Variants in LRRIQ1 observed in about 807,000 individuals in gnomAD.
LRRIQ1 encodes the protein leucine-rich repeat- and IQ domain-containing protein 1.
Under a neutral mutation model 211.9 loss-of-function variants are expected in LRRIQ1, and 210 were observed. The ratio of observed to expected loss-of-function variants is 0.99; its 90% CI spans 0.89 to 1.11. The LOEUF (loss-of-function observed/expected upper bound fraction) is 1.11. Ranked by LOEUF, LRRIQ1 falls within the 50% of genes most tolerant of loss-of-function variation. The pLI is 0.00. For synonymous variants in LRRIQ1, 699 were observed against 650.1 expected (o/e 1.08, Z -1.14); for missense variants, 2,136 against 1,939.5 (o/e 1.10, Z -1.90).
intron 13 of LRRIQ1, among the ~76,000 whole-genome samples, chr12:85,101,821 C>T (rs1886367620): frequency 6.6e-6 from 1 of 151,624 alleles, no homozygotes; most frequent in African/African-American, 2.4e-5. Flanking sequence ...TATATTTCTT[C>T]ACTTTGATTG....
chr12:85,131,262 A>G (rs1448256902), intron 18 of LRRIQ1, among the ~76,000 whole-genome samples: 2 of 151,682 alleles, frequency 1.3e-5, no homozygotes, highest in East Asian at 1.9e-4. Context: ...TCACTTTCAG[A>G]TCTACCCCAT....
chr12:85,261,898 AC>A (rs1191689135), intron 1 of LRRIQ1, among the ~76,000 whole-genome samples: 1 of 151,518 alleles, frequency 6.6e-6, no homozygotes, highest in Non-Finnish European at 1.5e-5. Flanking sequence ...TCAAGCGATT[AC>A]CCTGCCTCAG....
intron 24 of LRRIQ1, among the ~76,000 whole-genome samples, chr12:85,208,185 T>A (rs1893658678): frequency 6.6e-6 from 1 of 151,944 alleles, no homozygotes; most frequent in Non-Finnish European, 1.5e-5. Flanking sequence ...GGTCTTGAAG[T>A]TAGGTAATAT....
chr12:85,173,002 G>A (rs553023777), intron 24 of LRRIQ1, among the ~76,000 whole-genome samples: 139 of 152,068 alleles, frequency 9.1e-4, no homozygotes, highest in Non-Finnish European at 1.8e-3. Flanking sequence ...CCAGCTACTC[G>A]GGAGGCTGAG....
At chr12:85,051,575 T>C (rs1254083526) in intron 6 of LRRIQ1, among the ~76,000 whole-genome samples, 1 of 152,244 alleles carries the variant, frequency 6.6e-6, no homozygotes, top group Non-Finnish European at 1.5e-5. Flanking sequence ...AAACCTTTCA[T>C]GATCTAATTA....
At chr12:85,118,093 C>T (rs1354748682) in intron 15 of LRRIQ1, among the ~76,000 whole-genome samples, 1 of 152,232 alleles carries the variant, frequency 6.6e-6, no homozygotes, top group Admixed American at 6.5e-5. Flanking sequence ...TATCTCCTAA[C>T]CCCTCTGATG....
At chr12:85,245,583 A>C (rs983872653), downstream of LRRIQ1, among the ~76,000 whole-genome samples, 130 of 150,394 alleles carry the variant, frequency 8.6e-4, 2 homozygotes, top group Non-Finnish European at 1.3e-4. Context: ...TTATATTGCA[A>C]TTATTAACTC....
chr12:85,173,139 A>G (rs1245937195), intron 24 of LRRIQ1, among the ~76,000 whole-genome samples: 1 of 152,034 alleles, frequency 6.6e-6, no homozygotes, highest in Non-Finnish European at 1.5e-5. Context: ...ATAAAATACT[A>G]TTTGTCTTAC....
chr12:85,239,503 T>C (rs979728272), intron 26 of LRRIQ1, among the ~76,000 whole-genome samples: 1 of 151,890 alleles, frequency 6.6e-6, no homozygotes, highest in Non-Finnish European at 1.5e-5. Flanking sequence ...ACTTGTAAGG[T>C]CAATTGATTT....
At chr12:85,069,476 A>T (rs1313193422) in intron 10 of LRRIQ1, among the ~76,000 whole-genome samples, 1 of 152,130 alleles carries the variant, frequency 6.6e-6, no homozygotes, top group Non-Finnish European at 1.5e-5. Flanking sequence ...TGGCTGGGTC[A>T]AACGGTATTT....
intron 26 of LRRIQ1, among the ~76,000 whole-genome samples, chr12:85,235,847 G>A (rs1438352807): frequency 2.0e-5 from 3 of 152,146 alleles, no homozygotes; most frequent in Non-Finnish European, 2.9e-5. Context: ...CTTAAAATGT[G>A]TATTGAGGAT....
At chr12:85,076,160 G>A (rs56107143) in intron 11 of LRRIQ1, among the ~76,000 whole-genome samples, 6 of 151,624 alleles carry the variant, frequency 4.0e-5, no homozygotes, top group Middle Eastern at 3.4e-3. Context: ...ATGTATAAGC[G>A]CTTTTTCAGC....
At chr12:85,068,595 TCTTA>T (rs1882701879) in intron 10 of LRRIQ1, among the ~76,000 whole-genome samples, 1 of 151,866 alleles carries the variant, frequency 6.6e-6, no homozygotes, top group Non-Finnish European at 1.5e-5. Flanking sequence ...TATGGCCGTC[TCTTA>T]CTTAACCCCA....
At position 85,152,319 on chromosome 12, in the gene LRRIQ1, C is replaced by T. The variant is rs372405266; in HGVS notation, c.4369C>T (p.Arg1457Cys). 9 of 1,611,256 alleles carry T rather than the reference C, an allele frequency of 5.6e-6. No individual in the cohort carries two copies. Among genetic ancestry groups the T allele is most frequent in the South Asian group, 4.4e-5 (4 of 90,960 alleles). The stretch of plus-strand genomic sequence containing the variant: ...AGAATGGCTAGCATTAGATTCCACC[C>T]GCTTCCCTTCACAAACACTGCTTCT... ...EEEWLALDST[R>C]FPSQTLLLSN... Residue 1457 changes from arginine (R) to cysteine (C), a missense_variant, in exon 20 of 27, where the codon CGC becomes TGC. Arg to Cys is a radical substitution (Grantham distance 180, BLOSUM62 -3). Transcript: ENST00000393217.
chr12:85,069,428 T>C (rs1319795100), intron 10 of LRRIQ1, among the ~76,000 whole-genome samples: 1 of 152,168 alleles, frequency 6.6e-6, no homozygotes, highest in East Asian at 1.9e-4. Context: ...TATAACAGCA[T>C]GATTTATAAT....
Position 85,197,753 on chromosome 12 carries a change from C to T in LRRIQ1, c.4823-31764C>T, listed in dbSNP as rs113329495. Reference sequence around the variant, plus strand: ...AGATGACGAGTTAGTGGGTGCAACGCACCAGCATGGCACATGTATACATAT... The same window carrying T: ...AGATGACGAGTTAGTGGGTGCAACGTACCAGCATGGCACATGTATACATAT... On this transcript the variant is annotated intron_variant, in intron 24 of 26. Transcript: ENST00000393217. Among the ~76,000 whole-genome samples, 52 of 150,066 alleles carry T rather than the reference C, an allele frequency of 3.5e-4. 1 individual carries two copies. Among genetic ancestry groups the T allele is most frequent in the African/African-American group, 1.2e-3 (49 of 40,700 alleles).
rs184099083 is a variant in LRRIQ1 at position 85,172,471 on chromosome 12, T to C, written c.4822+11757T>C. ...AGACACTCACTAGCTAAATACTCCA[T>C]GTCCTGTTTTTCTCAATTGCAAAAT... On this transcript the variant is annotated intron_variant, in intron 24 of 26. Transcript: ENST00000393217. Among the ~76,000 whole-genome samples, 65 of 152,342 alleles carry C rather than the reference T, an allele frequency of 4.3e-4. 1 individual carries two copies. Among genetic ancestry groups the C allele is most frequent in the African/African-American group, 1.4e-3 (59 of 41,586 alleles).
chr12:85,159,693 C>T (rs538501683), intron 23 of LRRIQ1, among the ~76,000 whole-genome samples: 40 of 151,788 alleles, frequency 2.6e-4, no homozygotes, highest in African/African-American at 9.2e-4. Flanking sequence ...TATAAGACAC[C>T]GAACAGTTTG....
chr12:85,176,878 G>A (rs1891734665), intron 24 of LRRIQ1, among the ~76,000 whole-genome samples: 1 of 151,792 alleles, frequency 6.6e-6, no homozygotes, highest in African/African-American at 2.4e-5. Context: ...AATGGTTTTT[G>A]GCCTGTTTCT....
Sources: gnomAD v4.1 joint callset for allele counts (sites outside exome capture counted in the v4.1 genomes callset) on GRCh38, gnomAD v4.1.1 for gene constraint, MANE v1.5 for transcripts, NCBI Gene and HGNC (gene_info 2026-07-23, HGNC 2026-07-21) for gene names.